IQCH: variants seen among roughly 807,000 people sequenced by gnomAD.
The protein encoded by IQCH is IQ motif containing H, also known as IQ domain-containing protein H.
In IQCH, 98 loss-of-function variants were observed where a neutral mutation model predicts 117.0. That is an observed-to-expected ratio of 0.84 (90% CI 0.71 to 0.99). The LOEUF (loss-of-function observed/expected upper bound fraction) is 0.99, where lower values mean the gene tolerates loss of function less well. IQCH is among the 50% of genes least tolerant of loss of function. IQCH has a pLI of 0.00. For synonymous variants in IQCH, 412 were observed against 448.2 expected (o/e 0.92, Z 1.02); for missense variants, 1,102 against 1,243.8 (o/e 0.89, Z 1.72).
chr15:67,347,805 ATATATATAGATATATATT>A (rs977066547), intron 6 of IQCH, among the ~76,000 whole-genome samples: 66 of 145,252 alleles, frequency 4.5e-4, no homozygotes, highest in Admixed American at 1.5e-3. Flanking sequence ...CTGTCTATAT[ATATATATAGATATATATT>A]TATATATAGA....
chr15:67,295,173 A>G (rs1966844726), intron 4 of IQCH, among the ~76,000 whole-genome samples: 1 of 152,118 alleles, frequency 6.6e-6, no homozygotes. Context: ...ATACTCGCTG[A>G]AAAAAATAAA....
intron 1 of IQCH, 94 bp downstream of exon 1, chr15:67,255,041 GT>G: frequency 9.6e-6 from 12 of 1,244,100 alleles, no homozygotes; most frequent in Non-Finnish European, 1.4e-5. Flanking sequence ...CACCCATTTG[GT>G]GCGCCGCCCC....
chr15:67,310,340 A>G (rs920709434), intron 4 of IQCH, among the ~76,000 whole-genome samples: 1 of 152,082 alleles, frequency 6.6e-6, no homozygotes, highest in African/African-American at 2.4e-5. Context: ...TGAATTTCCC[A>G]TAAAGGTGTT....
At chr15:67,339,245 A>C (rs540607307) in intron 5 of IQCH, among the ~76,000 whole-genome samples, 1 of 152,294 alleles carries the variant, frequency 6.6e-6, no homozygotes, top group East Asian at 1.9e-4. Context: ...ATGGTGTTTT[A>C]TTAAACATGG....
chr15:67,336,085 C>G (rs1968879265), intron 4 of IQCH, among the ~76,000 whole-genome samples: 1 of 152,018 alleles, frequency 6.6e-6, no homozygotes, highest in Non-Finnish European at 1.5e-5. Context: ...ATAATCTGTG[C>G]ATATCTAGTA....
intron 4 of IQCH, among the ~76,000 whole-genome samples, chr15:67,302,363 C>G (rs1658269623): frequency 1.3e-5 from 2 of 152,128 alleles, no homozygotes; most frequent in South Asian, 4.1e-4. Flanking sequence ...AAGAGGCAAT[C>G]TGCTTCCATG....
Position 67,426,461 on chromosome 15 carries a change from T to G in IQCH, c.2505+4884T>G, listed in dbSNP as rs2081891777. On this transcript the variant is annotated intron_variant, in intron 16 of 20. Coordinates refer to ENST00000335894, the MANE Select transcript of IQCH (RefSeq NM_001031715.3). This position sits in a 1 kb window ranked among gnomAD's most constrained non-coding sequence, Gnocchi z 5.1. ...TGATGGATATCCTGCTTACTCTGAT[T>G]TGGGGTACAATTACAATGTATCCAC... Among the ~76,000 whole-genome samples, 1 of 152,084 alleles carries G rather than the reference T, an allele frequency of 6.6e-6. No homozygotes were observed. Among genetic ancestry groups the G allele is most frequent in the African/African-American group, 2.4e-5 (1 of 41,402 alleles).
Position 67,369,157 on chromosome 15 carries a change from G to A in IQCH, c.754-2954G>A, listed in dbSNP as rs1300802744. ...ATCCTGCTTTCCTGTTTTTTGTTTT[G>A]GATTTAGAATTTTGCCTAAATAACT... On this transcript the variant is annotated intron_variant, in intron 8 of 20. Transcript: ENST00000335894. The surrounding 1 kb of genome is among the most constrained non-coding windows in gnomAD (Gnocchi z 5.2). Among the ~76,000 whole-genome samples, 1 of 151,718 alleles carries A rather than the reference G, an allele frequency of 6.6e-6. No individual in the cohort carries two copies. The highest frequency in any genetic ancestry group is 1.5e-5 in the Non-Finnish European group (1 of 67,926).
rs1279846090 is a variant in IQCH at position 67,358,124 on chromosome 15, G to A, written c.714+703G>A. Among the ~76,000 whole-genome samples, 6 of 145,368 alleles carry A rather than the reference G, an allele frequency of 4.1e-5. No individual in the cohort carries two copies. In the South Asian group the frequency reaches 1.1e-3, roughly 27 times the overall value. On this transcript the variant is annotated intron_variant, in intron 7 of 20. Transcript: ENST00000335894. ...CCCACCTGCCTCGGCCTCCCAAAGC[G>A]CTGGGATTATAGGCATGAGCCACCA...
chr15:67,283,319 G>T (rs1016589945), intron 4 of IQCH, among the ~76,000 whole-genome samples: 1 of 152,152 alleles, frequency 6.6e-6, no homozygotes, highest in Non-Finnish European at 1.5e-5. Flanking sequence ...GTACAAGTAC[G>T]TATGCAGATA....
chr15:67,480,742 G>T (rs2083318044), intron 18 of IQCH, among the ~76,000 whole-genome samples: 1 of 152,096 alleles, frequency 6.6e-6, no homozygotes, highest in African/African-American at 2.4e-5. Flanking sequence ...GTGAAATTAT[G>T]AAGTGGTGAA....
intron 4 of IQCH, among the ~76,000 whole-genome samples, chr15:67,308,486 G>A (rs896694201): frequency 6.6e-6 from 1 of 152,120 alleles, no homozygotes; most frequent in Non-Finnish European, 1.5e-5. Context: ...AAGACATTCT[G>A]AAATGCCATA....
chr15:67,307,588 A>T (rs1296814783), intron 4 of IQCH, among the ~76,000 whole-genome samples: 1 of 152,180 alleles, frequency 6.6e-6, no homozygotes, highest in Non-Finnish European at 1.5e-5. Flanking sequence ...ATATGGCCAC[A>T]ATTACAGTCA....
rs112419712 is a variant in IQCH, at chr15:67,465,201, C to T, written c.2580C>T (p.Asn860=). ...ALTQLTLYLT[N]GHLDCSLSTL... ...CTCAACTCACCTTATACCTGACAAACGGCCATCTGGATTGCAGTTTGAGCA... is the reference window on the plus strand; with the variant it reads ...CTCAACTCACCTTATACCTGACAAATGGCCATCTGGATTGCAGTTTGAGCA... Residue 860 remains asparagine, a synonymous_variant, in exon 17 of 21, where the codon AAC becomes AAT. Transcript: ENST00000335894. The surrounding 1 kb of genome is among the most constrained non-coding windows in gnomAD (Gnocchi z 5.9). 0.011 allele frequency: 18,515 copies of T among 1,614,114 alleles called. 157 individuals are homozygous for T. Among genetic ancestry groups the T allele is most frequent in the Middle Eastern group, 0.038 (231 of 6,062 alleles).
At chr15:67,337,193 T>TTTGCCCCACCCCTCCA in intron 5 of IQCH, 98 bp downstream of exon 5, 1 of 1,369,240 alleles carries the variant, frequency 7.3e-7, no homozygotes, top group Non-Finnish European at 1.0e-6. Context: ...GCTCAGCCAC[T>TTTGCCCCACCCCTCCA]AATTCTCCTG....
intron 3 of IQCH, among the ~76,000 whole-genome samples, chr15:67,279,095 C>T (rs1596085238): frequency 6.6e-6 from 1 of 151,612 alleles, no homozygotes; most frequent in East Asian, 1.9e-4. Context: ...TTTCTTTTAC[C>T]AAGAATGTTT....
chr15:67,316,156 A>T (rs964244099), intron 4 of IQCH, among the ~76,000 whole-genome samples: 1 of 152,110 alleles, frequency 6.6e-6, no homozygotes, highest in African/African-American at 2.4e-5. Context: ...AGAAAACTCA[A>T]TTTTCTGAGT....
chr15:67,321,080 T>G (rs899459980), intron 4 of IQCH, among the ~76,000 whole-genome samples: 2 of 152,184 alleles, frequency 1.3e-5, no homozygotes, highest in Non-Finnish European at 1.5e-5. Flanking sequence ...CATAACAATT[T>G]TAATGGAAAA....
rs188215200 is a variant in IQCH, at chr15:67,341,163, G to A, written c.509-2900G>A. Among the ~76,000 whole-genome samples, 235 of 152,206 alleles carry A rather than the reference G, an allele frequency of 1.5e-3. 1 individual carries two copies. The highest frequency in any genetic ancestry group is 2.8e-3 in the Non-Finnish European group (189 of 68,020). On this transcript the variant is annotated intron_variant, in intron 5 of 20. Coordinates refer to ENST00000335894, the MANE Select transcript of IQCH (RefSeq NM_001031715.3). ...AGAGGCGGAGGTTGCAGTGAACTGA[G>A]ATCATGCCACTATACTCTAGCCTGG...
Sources: gnomAD v4.1 joint callset for allele counts (sites outside exome capture counted in the v4.1 genomes callset) on GRCh38, gnomAD v4.1.1 for gene constraint, Gnocchi (gnomAD v3.1) non-coding constraint, MANE v1.5 for transcripts, NCBI Gene and HGNC (gene_info 2026-07-23, HGNC 2026-07-21) for gene names.